Variants in CACNB2 observed in about 807,000 individuals in gnomAD.
The protein encoded by CACNB2 is voltage-dependent L-type calcium channel subunit beta-2.
Under a neutral mutation model 73.3 loss-of-function variants are expected in CACNB2, and 42 were observed. That is an observed-to-expected ratio of 0.57 (90% confidence interval 0.45 to 0.74). CACNB2 has a LOEUF of 0.74. CACNB2 is among the 30% of genes least tolerant of loss of function. The pLI is 0.00. For synonymous variants in CACNB2, 348 were observed against 310.3 expected (o/e 1.12, Z -1.28); for missense variants, 940 against 853.0 (o/e 1.10, Z -1.27).
rs533779784 is a variant in CACNB2, at chr10:18,212,726, A to G, written c.213+61751A>G. Among the ~76,000 whole-genome samples the G allele has an allele frequency of 2.8e-4, 42 of 152,314 alleles. 1 individual carries two copies. In the South Asian group the frequency reaches 8.7e-3, roughly 32 times the overall value. On this transcript the variant is annotated intron_variant, in intron 2 of 13. Coordinates refer to ENST00000324631, the MANE Select transcript of CACNB2 (RefSeq NM_201596.3). ...ACCCCACCACAGATCTGCAAGTGCAACCCTGTCATATATGGAACAGCTATT... is the reference window on the plus strand; with the variant it reads ...ACCCCACCACAGATCTGCAAGTGCAGCCCTGTCATATATGGAACAGCTATT...
intron 2 of CACNB2, among the ~76,000 whole-genome samples, chr10:18,159,055 C>G (rs1191725128): frequency 6.6e-6 from 1 of 152,070 alleles, no homozygotes; most frequent in Non-Finnish European, 1.5e-5. Context: ...GTTTTGTCTT[C>G]TTTTTCTTTT....
chr10:18,239,728 T>C (rs2036577917), intron 2 of CACNB2, among the ~76,000 whole-genome samples: 1 of 152,168 alleles, frequency 6.6e-6, no homozygotes, highest in Non-Finnish European at 1.5e-5. Flanking sequence ...AAGAATTGAG[T>C]CAACTTTAAA....
At chr10:18,217,076 A>G (rs1003974399) in intron 2 of CACNB2, among the ~76,000 whole-genome samples, 7 of 152,214 alleles carry the variant, frequency 4.6e-5, no homozygotes, top group African/African-American at 1.7e-4. Context: ...CTAGGCAGGC[A>G]TATGAGATGC....
intron 2 of CACNB2, among the ~76,000 whole-genome samples, chr10:18,194,621 C>T (rs1401766730): frequency 6.6e-6 from 1 of 152,218 alleles, no homozygotes; most frequent in African/African-American, 2.4e-5. Context: ...CAGGCAATCA[C>T]AGCTGAGGCA....
intron 2 of CACNB2, among the ~76,000 whole-genome samples, chr10:18,232,431 C>T (rs2036258149): frequency 6.6e-6 from 1 of 152,120 alleles, no homozygotes; most frequent in South Asian, 2.1e-4. Context: ...AGAGGTTTAA[C>T]CGTGTAGCCT....
chr10:18,523,547 T>C (rs2052139320), intron 9 of CACNB2, among the ~76,000 whole-genome samples: 1 of 152,224 alleles, frequency 6.6e-6, no homozygotes, highest in African/African-American at 2.4e-5. Flanking sequence ...TCATCTTGAC[T>C]TACAGAGCTG....
intron 2 of CACNB2, among the ~76,000 whole-genome samples, chr10:18,352,647 T>C (rs147068269): frequency 3.0e-4 from 46 of 152,370 alleles, no homozygotes; most frequent in African/African-American, 1.0e-3. Flanking sequence ...TTAATTGTTA[T>C]ATGAATTACA....
At chr10:18,484,818 T>A (rs1166753779) in intron 3 of CACNB2, among the ~76,000 whole-genome samples, 1 of 152,158 alleles carries the variant, frequency 6.6e-6, no homozygotes, top group East Asian at 1.9e-4. Flanking sequence ...TTAATAAATA[T>A]CTATATACAC....
intron 2 of CACNB2, among the ~76,000 whole-genome samples, chr10:18,220,560 C>A (rs888168356): frequency 6.6e-6 from 1 of 152,016 alleles, no homozygotes; most frequent in African/African-American, 2.4e-5. Flanking sequence ...CCGCACCCAG[C>A]CTTATCTGTG....
intron 10 of CACNB2, among the ~76,000 whole-genome samples, chr10:18,532,706 A>AAAAAAAAAAAAAAC (rs1564663766): frequency 1.5e-5 from 1 of 64,768 alleles, no homozygotes; most frequent in African/African-American, 5.4e-5. Context: ...ACAAAACAAA[A>AAAAAAAAAAAAAAC]AAACAAACAA....
At chr10:18,191,791 A>G (rs1265612266) in intron 2 of CACNB2, among the ~76,000 whole-genome samples, 2 of 152,204 alleles carry the variant, frequency 1.3e-5, no homozygotes, top group African/African-American at 2.4e-5. Flanking sequence ...ATGGCTGAGT[A>G]GTATTCAGTT....
chr10:18,165,655 T>G (rs1173895239), intron 2 of CACNB2, among the ~76,000 whole-genome samples: 1 of 152,198 alleles, frequency 6.6e-6, no homozygotes, highest in East Asian at 1.9e-4. Context: ...ATCGTGTTGC[T>G]TTTCTCAAGA....
chr10:18,168,603 T>C (rs1770189788), intron 2 of CACNB2, among the ~76,000 whole-genome samples: 1 of 152,134 alleles, frequency 6.6e-6, no homozygotes, highest in Admixed American at 6.6e-5. Context: ...ACTGCCACTT[T>C]TTTGTTCTCT....
At chr10:18,393,913 T>C (rs969782170) in intron 2 of CACNB2, among the ~76,000 whole-genome samples, 1 of 152,174 alleles carries the variant, frequency 6.6e-6, no homozygotes, top group African/African-American at 2.4e-5. Flanking sequence ...CGGTGTACTT[T>C]CGTTGTGCCT....
chr10:18,535,162 A>T (rs1400827089), intron 11 of CACNB2, among the ~76,000 whole-genome samples: 1 of 152,236 alleles, frequency 6.6e-6, no homozygotes, highest in Non-Finnish European at 1.5e-5. Flanking sequence ...AATGAATAAC[A>T]TTAATTTTCA....
intron 12 of CACNB2, among the ~76,000 whole-genome samples, chr10:18,536,500 G>A (rs1267735796): frequency 6.6e-6 from 1 of 151,444 alleles, no homozygotes; most frequent in Non-Finnish European, 1.5e-5. Context: ...GGCCTGAAGT[G>A]ATCCTCCTGC....
intron 2 of CACNB2, among the ~76,000 whole-genome samples, chr10:18,370,956 A>C (rs10741040): frequency 0.29 from 44,719 of 151,994 alleles, 7,014 homozygotes; most frequent in East Asian, 0.67. Flanking sequence ...TAAATATTTT[A>C]CGTGCATCTT....
intron 9 of CACNB2, among the ~76,000 whole-genome samples, chr10:18,522,017 C>G: frequency 6.6e-6 from 1 of 152,156 alleles, no homozygotes; most frequent in East Asian, 1.9e-4. Flanking sequence ...TCATCACTCA[C>G]ACATTATTGC....
chr10:18,210,511 G>A (rs941746568), intron 2 of CACNB2, among the ~76,000 whole-genome samples: 16 of 152,134 alleles, frequency 1.1e-4, no homozygotes, highest in African/African-American at 3.1e-4. Flanking sequence ...ATAGAATGTC[G>A]TAGTTAAGAA....
Sources: gnomAD v4.1 joint callset for allele counts (sites outside exome capture counted in the v4.1 genomes callset) on GRCh38, gnomAD v4.1.1 for gene constraint, MANE v1.5 for transcripts, NCBI Gene and HGNC (gene_info 2026-07-23, HGNC 2026-07-21) for gene names.